Variants in HECW1 observed in about 807,000 individuals in gnomAD.
The protein encoded by HECW1 is E3 ubiquitin-protein ligase HECW1.
In HECW1, 61 loss-of-function variants were observed where a neutral mutation model predicts 182.3. That is an observed-to-expected ratio of 0.33 (90% CI 0.27 to 0.41). The LOEUF is 0.41. HECW1 is among the 10% of genes least tolerant of loss of function. The pLI is 1.00. For missense variants in HECW1, 1,739 were observed against 2,108.9 expected (o/e 0.82, Z 3.44); for synonymous variants, 859 against 832.6 (o/e 1.03, Z -0.55).
chr7:43,207,130 T>A (rs959274337), intron 2 of HECW1, among the ~76,000 whole-genome samples: 8 of 152,190 alleles, frequency 5.3e-5, no homozygotes, highest in Admixed American at 5.2e-4. Flanking sequence ...CACTGCAACC[T>A]CCGTCTCCTG....
At chr7:43,284,726 T>G (rs728191) in intron 3 of HECW1, among the ~76,000 whole-genome samples, 54,505 of 152,042 alleles carry the variant, frequency 0.36, 13,263 homozygotes, top group African/African-American at 0.7. Flanking sequence ...GAAATAATTT[T>G]TATTCTATTC....
chr7:43,223,776 G>C (rs551052959), intron 2 of HECW1, among the ~76,000 whole-genome samples: 39 of 152,252 alleles, frequency 2.6e-4, no homozygotes, highest in African/African-American at 9.4e-4. Context: ...CTCTGCCCTT[G>C]CTGCTGGGTC....
At chr7:43,460,097 C>T (rs534825984) in intron 13 of HECW1, among the ~76,000 whole-genome samples, 5 of 152,204 alleles carry the variant, frequency 3.3e-5, no homozygotes, top group Non-Finnish European at 7.3e-5. Context: ...TTTTTTGTCA[C>T]AAGGGCCTGC....
intron 12 of HECW1, among the ~76,000 whole-genome samples, chr7:43,452,905 G>A (rs1267038164): frequency 2.0e-5 from 3 of 152,228 alleles, no homozygotes; most frequent in African/African-American, 7.2e-5. Flanking sequence ...TGCCAGTCGG[G>A]AGTTGGAAAC....
At chr7:43,487,952 C>CA (rs113183444) in intron 17 of HECW1, among the ~76,000 whole-genome samples, 1,686 of 132,924 alleles carry the variant, frequency 0.013, 36 homozygotes, top group African/African-American at 0.042. Context: ...GAGACTGTCT[C>CA]AAAAAAAAAG....
chr7:43,446,814 A>G (rs13222216), intron 11 of HECW1, among the ~76,000 whole-genome samples: 1 of 152,086 alleles, frequency 6.6e-6, no homozygotes, highest in East Asian at 1.9e-4. Context: ...AAAGGTACCC[A>G]CAAGGAGCGG....
chr7:43,386,083 C>T (rs1343379125), intron 6 of HECW1, among the ~76,000 whole-genome samples: 1 of 152,212 alleles, frequency 6.6e-6, no homozygotes, highest in African/African-American at 2.4e-5. Context: ...GTCCTTCATG[C>T]CGCCCACATT....
chr7:43,362,819 C>T (rs1816133364), intron 6 of HECW1, among the ~76,000 whole-genome samples: 2 of 152,240 alleles, frequency 1.3e-5, no homozygotes, highest in African/African-American at 4.8e-5. Context: ...CAGGCCTGGC[C>T]TCTTGCCAAC....
intron 17 of HECW1, among the ~76,000 whole-genome samples, chr7:43,482,404 C>A (rs2078471198): frequency 6.6e-6 from 1 of 152,172 alleles, no homozygotes; most frequent in Non-Finnish European, 1.5e-5. Flanking sequence ...AAAATTGATT[C>A]CATGCATGGC....
At chr7:43,491,912 A>G (rs545201462) in intron 17 of HECW1, among the ~76,000 whole-genome samples, 163 bp from the exon 18 acceptor site, 1 of 152,242 alleles carries the variant, frequency 6.6e-6, no homozygotes, top group South Asian at 2.1e-4. Context: ...CACATCATCA[A>G]CTCTACTTAG....
intron 3 of HECW1, among the ~76,000 whole-genome samples, chr7:43,300,528 A>G (rs1806609146): frequency 1.3e-5 from 2 of 152,198 alleles, no homozygotes; most frequent in South Asian, 4.1e-4. Context: ...TATTGCCAAT[A>G]TAGGTATGAA....
intron 6 of HECW1, among the ~76,000 whole-genome samples, chr7:43,387,169 C>T (rs2074833172): frequency 6.6e-6 from 1 of 152,158 alleles, no homozygotes; most frequent in Admixed American, 6.5e-5. Context: ...CATCTCTCCC[C>T]ACCACCAATC....
At chr7:43,194,334 AAAGT>A (rs1794222662) in intron 2 of HECW1, 1 of 152,164 alleles carries the variant, frequency 6.6e-6, no homozygotes, top group Non-Finnish European at 1.5e-5. Flanking sequence ...ATGCTGAACT[AAAGT>A]GAGATTTTCT....
intron 2 of HECW1, among the ~76,000 whole-genome samples, chr7:43,122,343 G>A (rs941783572): frequency 6.6e-6 from 1 of 152,138 alleles, no homozygotes; most frequent in African/African-American, 2.4e-5. Flanking sequence ...TCCAGGTGAT[G>A]CTCACTAGTG....
chr7:43,210,015 G>A (rs759193432), intron 2 of HECW1, among the ~76,000 whole-genome samples: 98 of 152,244 alleles, frequency 6.4e-4, no homozygotes, highest in Middle Eastern at 6.8e-3. Context: ...GCGAAGGTGG[G>A]ACAGAGTTGA....
intron 12 of HECW1, among the ~76,000 whole-genome samples, chr7:43,455,996 G>A (rs1350428975): frequency 1.3e-5 from 2 of 151,580 alleles, no homozygotes; most frequent in African/African-American, 2.4e-5. Flanking sequence ...GCAAGACTCT[G>A]TCTCAAAAAG....
At chr7:43,422,790 A>C (rs940962484) in intron 8 of HECW1, among the ~76,000 whole-genome samples, 1 of 152,214 alleles carries the variant, frequency 6.6e-6, no homozygotes, top group Non-Finnish European at 1.5e-5. Flanking sequence ...AATGAGACTT[A>C]TTAGAAAGGG....
chr7:43,372,695 G>A (rs1313082773), intron 6 of HECW1, among the ~76,000 whole-genome samples: 4 of 151,646 alleles, frequency 2.6e-5, no homozygotes, highest in Admixed American at 6.6e-5. Flanking sequence ...AAAAAGCCTT[G>A]TAAAATATTT....
At chr7:43,549,535 A>G (rs758791601) in intron 26 of HECW1, among the ~76,000 whole-genome samples, 1 of 152,232 alleles carries the variant, frequency 6.6e-6, no homozygotes, top group Non-Finnish European at 1.5e-5. Context: ...CCCTTCATAC[A>G]TGAACATATT....
Sources: allele counts gnomAD v4.1 joint callset (sites outside exome capture counted in the v4.1 genomes callset), GRCh38; gene constraint gnomAD v4.1.1; transcripts MANE v1.5; gene names NCBI Gene and HGNC (gene_info 2026-07-23, HGNC 2026-07-21).